Variants in PTPRK observed in about 807,000 individuals in gnomAD.
PTPRK encodes the protein protein tyrosine phosphatase receptor type K.
A neutral mutation model predicts 178.0 loss-of-function variants in PTPRK; 75 were observed. That is an observed-to-expected ratio of 0.42 (90% CI 0.35 to 0.51). The LOEUF is 0.51. Among genes scored for constraint, PTPRK ranks in the 20% least tolerant of loss-of-function variants. PTPRK has a pLI of 0.02. For missense variants in PTPRK, 1,441 were observed against 1,797.8 expected, an observed-to-expected ratio of 0.80 and a Z score of 3.59; for synonymous variants, 637 against 620.6, an observed-to-expected ratio of 1.03 and a Z score of -0.39.
chr6:128,283,831 A>C (rs770091743), intron 3 of PTPRK, among the ~76,000 whole-genome samples: 6 of 152,138 alleles, frequency 3.9e-5, no homozygotes, highest in Non-Finnish European at 7.4e-5. Flanking sequence ...TCTGGTATCT[A>C]TTCTTCATTT....
At chr6:128,006,006 A>G in intron 14 of PTPRK, 2 of 1,533,008 alleles carry the variant, frequency 1.3e-6, no homozygotes, top group South Asian at 1.2e-5. Flanking sequence ...AAAGTTGTAC[A>G]TCACCCATTT....
At chr6:128,015,928 T>C (rs1437226909) in intron 13 of PTPRK, among the ~76,000 whole-genome samples, 1 of 151,860 alleles carries the variant, frequency 6.6e-6, no homozygotes, top group East Asian at 1.9e-4. Flanking sequence ...CCTTCTTGAT[T>C]TTTGTCACTT....
At chr6:128,132,777 A>G (rs1211278702) in intron 7 of PTPRK, among the ~76,000 whole-genome samples, 1 of 152,250 alleles carries the variant, frequency 6.6e-6, no homozygotes, top group African/African-American at 2.4e-5. Flanking sequence ...TCTAATAGAT[A>G]AAACGGCAAA....
At chr6:128,283,797 T>C (rs1342561468) in intron 3 of PTPRK, among the ~76,000 whole-genome samples, 1 of 152,150 alleles carries the variant, frequency 6.6e-6, no homozygotes, top group Non-Finnish European at 1.5e-5. Context: ...TTGTAGTATG[T>C]TATCACCAGT....
chr6:128,337,811 T>A (rs770974545), intron 2 of PTPRK, among the ~76,000 whole-genome samples: 6 of 152,080 alleles, frequency 3.9e-5, no homozygotes, highest in Non-Finnish European at 7.4e-5. Context: ...ATCAGGAAGG[T>A]GAGAAAGTCT....
intron 13 of PTPRK, chr6:128,063,398 G>C (rs775394978): frequency 1.3e-5 from 2 of 152,046 alleles, no homozygotes; most frequent in Admixed American, 6.6e-5. Flanking sequence ...TGAAATAACT[G>C]AATAAAAAAG....
intron 13 of PTPRK, among the ~76,000 whole-genome samples, chr6:128,057,780 C>T (rs772232072): frequency 8.5e-5 from 13 of 152,094 alleles, no homozygotes; most frequent in South Asian, 4.2e-4. Flanking sequence ...TGTGAATCAC[C>T]GAATCTGAGG....
chr6:128,082,655 A>T lies in PTPRK; in HGVS notation c.1576-17T>A. On this transcript the variant is annotated splice_polypyrimidine_tract_variant and intron_variant, in intron 9 of 29. Transcript: ENST00000368226. Reference sequence around the variant, plus strand: ...ATAGCTGATCTGTTTTAAGAAATACATTTATTACATATCTAGTATCCATCA... The same window carrying T: ...ATAGCTGATCTGTTTTAAGAAATACTTTTATTACATATCTAGTATCCATCA... The T allele has an allele frequency of 6.5e-7, 1 of 1,540,902 alleles. No homozygotes were observed. Among genetic ancestry groups the T allele is most frequent in the Non-Finnish European group, 8.9e-7 (1 of 1,122,588 alleles).
At chr6:128,506,893 A>G (rs1178468267) in intron 1 of PTPRK, among the ~76,000 whole-genome samples, 1 of 152,134 alleles carries the variant, frequency 6.6e-6, no homozygotes, top group African/African-American at 2.4e-5. Context: ...AAGAGATAAC[A>G]GCATGAGATT....
chr6:128,174,629 G>A (rs1800791140), intron 7 of PTPRK, among the ~76,000 whole-genome samples: 1 of 151,806 alleles, frequency 6.6e-6, no homozygotes, highest in African/African-American at 2.4e-5. Context: ...GTTAGCTTTA[G>A]TACATGCCCA....
chr6:128,366,947 C>A (rs890801055), intron 2 of PTPRK, among the ~76,000 whole-genome samples: 4 of 152,072 alleles, frequency 2.6e-5, no homozygotes, highest in Non-Finnish European at 5.9e-5. Context: ...ATGACTCCAG[C>A]GTTAGAAGAT....
intron 13 of PTPRK, among the ~76,000 whole-genome samples, chr6:128,040,848 A>G (rs1269552689): frequency 6.6e-6 from 1 of 152,094 alleles, no homozygotes; most frequent in African/African-American, 2.4e-5. Context: ...ACCAGTTAAT[A>G]CAGAATGAGC....
intron 1 of PTPRK, among the ~76,000 whole-genome samples, chr6:128,412,343 C>G (rs1309256099): frequency 7.2e-5 from 11 of 152,182 alleles, no homozygotes. Flanking sequence ...CCACAACAAC[C>G]TAAAAAGTTG....
At chr6:128,302,151 G>A (rs1362203795) in intron 3 of PTPRK, among the ~76,000 whole-genome samples, 1 of 152,028 alleles carries the variant, frequency 6.6e-6, no homozygotes, top group Non-Finnish European at 1.5e-5. Flanking sequence ...CACTTTGGGA[G>A]GCCGGGGTGG....
intron 7 of PTPRK, among the ~76,000 whole-genome samples, chr6:128,115,827 T>A (rs1791434069): frequency 6.6e-6 from 1 of 152,102 alleles, no homozygotes; most frequent in Non-Finnish European, 1.5e-5. Flanking sequence ...AGATGGAAAA[T>A]AAGTGAATTT....
At chr6:128,385,295 C>T (rs1324584657) in intron 2 of PTPRK, among the ~76,000 whole-genome samples, 1 of 151,884 alleles carries the variant, frequency 6.6e-6, no homozygotes, top group African/African-American at 2.4e-5. Context: ...CTTTGGACAA[C>T]CGCAGGGATT....
intron 13 of PTPRK, among the ~76,000 whole-genome samples, chr6:128,015,941 G>A (rs1223628519): frequency 6.6e-6 from 1 of 151,758 alleles, no homozygotes; most frequent in South Asian, 2.1e-4. Flanking sequence ...TGTCACTTCA[G>A]TAGTAGAAAA....
At chr6:128,356,159 C>T (rs756456636) in intron 2 of PTPRK, among the ~76,000 whole-genome samples, 15 of 152,098 alleles carry the variant, frequency 9.9e-5, no homozygotes, top group Non-Finnish European at 2.1e-4. Context: ...GTCCCTCTCC[C>T]CACATCAAAC....
intron 6 of PTPRK, among the ~76,000 whole-genome samples, chr6:128,205,582 G>T (rs1260858636): frequency 3.3e-5 from 5 of 151,558 alleles, no homozygotes; most frequent in Admixed American, 3.3e-4. Flanking sequence ...GACCAAACAT[G>T]GCCAATATGG....
Sources: allele counts gnomAD v4.1 joint callset (sites outside exome capture counted in the v4.1 genomes callset), GRCh38; gene constraint gnomAD v4.1.1; transcripts MANE v1.5; gene names NCBI Gene and HGNC (gene_info 2026-07-23, HGNC 2026-07-21).